The following FOLH1 variants were observed in gnomAD, a reference collection of about 807,000 sequenced individuals.
The protein encoded by FOLH1 is glutamate carboxypeptidase 2.
Under a neutral mutation model 93.9 loss-of-function variants are expected in FOLH1, and 54 were observed. The ratio of observed to expected loss-of-function variants is 0.57; its 90% CI spans 0.46 to 0.72. FOLH1 has a LOEUF of 0.72. Among genes scored for constraint, FOLH1 ranks in the 30% least tolerant of loss-of-function variants. The pLI is 0.00. For missense variants in FOLH1, 571 were observed against 892.5 expected (o/e 0.64, Z 4.59); for synonymous variants, 249 against 303.6 (o/e 0.82, Z 1.87).
intron 1 of FOLH1, chr11:49,208,057 T>C (rs1235348662): frequency 6.2e-6 from 4 of 640,798 alleles, no homozygotes; most frequent in East Asian, 5.5e-5. Flanking sequence ...CTCTCAGTTC[T>C]ACCCTCAACC....
intron 7 of FOLH1, among the ~76,000 whole-genome samples, chr11:49,181,344 T>C (rs1209006879): frequency 6.6e-6 from 1 of 151,992 alleles, no homozygotes; most frequent in Non-Finnish European, 1.5e-5. Flanking sequence ...TCTCTTGACC[T>C]CATGATCTGC....
chr11:49,156,192 C>G (rs1857015879), intron 15 of FOLH1, among the ~76,000 whole-genome samples: 1 of 151,942 alleles, frequency 6.6e-6, no homozygotes, highest in Non-Finnish European at 1.5e-5. Context: ...ACATATTTCC[C>G]TTTTAAATGA....
intron 18 of FOLH1, 151 bp from the exon 19 acceptor site, chr11:49,147,096 G>C (rs1234970415): frequency 1.8e-6 from 1 of 554,512 alleles, no homozygotes; most frequent in Non-Finnish European, 3.1e-6. Flanking sequence ...CATCTCTGAA[G>C]ACTATTATAT....
At chr11:49,183,946 T>C (rs747669879) in intron 6 of FOLH1, among the ~76,000 whole-genome samples, 6 of 152,180 alleles carry the variant, frequency 3.9e-5, no homozygotes, top group Non-Finnish European at 7.4e-5. Context: ...CATAAACACA[T>C]GCAATTTGCA....
At chr11:49,166,952 C>T (rs1300779495) in intron 12 of FOLH1, among the ~76,000 whole-genome samples, 3 of 151,764 alleles carry the variant, frequency 2.0e-5, no homozygotes, top group South Asian at 2.1e-4. Flanking sequence ...GGGAGGCTGA[C>T]GGGGGAGGAT....
chr11:49,192,949 A>G, intron 3 of FOLH1, 55 bp from the exon 4 acceptor site: 1 of 1,403,958 alleles, frequency 7.1e-7, no homozygotes, highest in Non-Finnish European at 9.6e-7. Flanking sequence ...TGATTACTGT[A>G]ATCAAACACA....
intron 14 of FOLH1, among the ~76,000 whole-genome samples, chr11:49,157,373 A>G (rs1857140415): frequency 6.6e-6 from 1 of 152,104 alleles, no homozygotes; most frequent in African/African-American, 2.4e-5. Context: ...ACTTTTCACC[A>G]TTATCTCTAT....
intron 17 of FOLH1, among the ~76,000 whole-genome samples, chr11:49,152,400 T>C (rs1426566436): frequency 2.0e-5 from 3 of 152,178 alleles, no homozygotes; most frequent in Admixed American, 2.0e-4. Flanking sequence ...TTCATAATGC[T>C]ATCAGAAAAG....
At chr11:49,197,042 T>C (rs573385993) in intron 3 of FOLH1, among the ~76,000 whole-genome samples, 82 of 152,302 alleles carry the variant, frequency 5.4e-4, no homozygotes, top group African/African-American at 1.9e-3. Context: ...TCCCCACATA[T>C]TCCAAATTTC....
At chr11:49,192,735 A>G (rs1590655153) in intron 4 of FOLH1, 58 bp downstream of exon 4, 1 of 1,438,508 alleles carries the variant, frequency 7.0e-7, no homozygotes, top group Non-Finnish European at 9.5e-7. Flanking sequence ...TCGGCTGAAC[A>G]TATGAAGAGA....
chr11:49,153,624 G>A (rs1818371336), intron 17 of FOLH1, among the ~76,000 whole-genome samples: 2 of 152,108 alleles, frequency 1.3e-5, no homozygotes. Flanking sequence ...GGACGTGCTA[G>A]AGTGGAAAGA....
intron 7 of FOLH1, among the ~76,000 whole-genome samples, chr11:49,181,397 A>T (rs981992943): frequency 6.6e-6 from 1 of 152,064 alleles, no homozygotes; most frequent in African/African-American, 2.4e-5. Context: ...AGTGTGAGCC[A>T]CCGCGCCCAG....
intron 6 of FOLH1, among the ~76,000 whole-genome samples, chr11:49,185,388 G>T (rs905768621): frequency 1.3e-5 from 2 of 152,006 alleles, no homozygotes; most frequent in African/African-American, 4.8e-5. Flanking sequence ...TTCTGTCCCA[G>T]CCCCCTATGT....
intron 7 of FOLH1, among the ~76,000 whole-genome samples, chr11:49,178,064 A>G (rs1324480273): frequency 6.6e-6 from 1 of 152,196 alleles, no homozygotes; most frequent in Non-Finnish European, 1.5e-5. Context: ...GCACAGTAAC[A>G]GAGAAATGAG....
intron 16 of FOLH1, 142 bp from the exon 17 acceptor site, chr11:49,154,069 T>C: frequency 7.4e-7 from 1 of 1,343,224 alleles, no homozygotes; most frequent in Non-Finnish European, 1.0e-6. Flanking sequence ...TTATAAGACG[T>C]GAGCATCCAT....
intron 10 of FOLH1, among the ~76,000 whole-genome samples, chr11:49,172,714 A>G (rs1859487467): frequency 6.6e-6 from 1 of 152,208 alleles, no homozygotes; most frequent in Admixed American, 6.5e-5. Flanking sequence ...AATAAAGAGA[A>G]TGAACTTCCT....
intron 3 of FOLH1, 92 bp from the exon 4 acceptor site, chr11:49,192,986 C>T: frequency 9.3e-7 from 1 of 1,071,730 alleles, no homozygotes; most frequent in African/African-American, 1.6e-5. Flanking sequence ...TCTTTTATGT[C>T]AGTAGAGGGT....
rs1863149075 is a variant in FOLH1, at chr11:49,200,447, G to A, written c.225-6C>T. 1 of 1,611,790 alleles carries A rather than the reference G, an allele frequency of 6.2e-7. No homozygotes were observed. ...GTGGTATCTGTGTAAAATTACTGGT[G>A]AACAAAAATTGAAAGTGGTTAGATA... On this transcript the variant is annotated splice_region_variant and splice_polypyrimidine_tract_variant and intron_variant, in intron 2 of 18. Coordinates refer to ENST00000256999, the MANE Select transcript of FOLH1 (RefSeq NM_004476.3).
intron 10 of FOLH1, 50 bp downstream of exon 10, chr11:49,173,307 A>T: frequency 6.3e-7 from 1 of 1,578,578 alleles, no homozygotes; most frequent in South Asian, 1.2e-5. Flanking sequence ...CAGAAGACTA[A>T]ACTGAGACTC....
Sources: gnomAD v4.1 joint callset for allele counts (sites outside exome capture counted in the v4.1 genomes callset) on GRCh38, gnomAD v4.1.1 for gene constraint, MANE v1.5 for transcripts, NCBI Gene and HGNC (gene_info 2026-07-23, HGNC 2026-07-21) for gene names.